Variants in GRM5 observed in about 807,000 individuals in gnomAD.
GRM5 encodes glutamate metabotropic receptor 5.
GRM5 carries 19 observed loss-of-function variants against 83.1 expected under a neutral mutation model. That is an observed-to-expected ratio of 0.23 (90% CI 0.16 to 0.34). GRM5 has a LOEUF of 0.34. GRM5 is among the 10% of genes least tolerant of loss of function. The pLI is 1.00. For missense variants in GRM5, 1,160 were observed against 1,588.3 expected, an observed-to-expected ratio of 0.73 and a Z score of 4.58; for synonymous variants, 675 against 633.6, an observed-to-expected ratio of 1.07 and a Z score of -0.98.
chr11:88,799,120 T>G (rs1437770282), intron 3 of GRM5, among the ~76,000 whole-genome samples: 2 of 152,064 alleles, frequency 1.3e-5, no homozygotes, highest in Non-Finnish European at 2.9e-5. Context: ...GCCTTCAACT[T>G]AAAAAGTATT....
chr11:88,752,887 A>G (rs7124237), intron 3 of GRM5, among the ~76,000 whole-genome samples: 101,221 of 151,378 alleles, frequency 0.67, 34,547 homozygotes, highest in Non-Finnish European at 0.73. Flanking sequence ...ATGGTGCTCA[A>G]AGAACAGGTT....
chr11:88,599,857 A>C (rs1006926838), intron 5 of GRM5, among the ~76,000 whole-genome samples: 3 of 151,892 alleles, frequency 2.0e-5, no homozygotes, highest in Non-Finnish European at 4.4e-5. Context: ...ACTAAAAATA[A>C]AAAAAATTAG....
At chr11:88,534,315 A>G (rs1344454232) in intron 8 of GRM5, among the ~76,000 whole-genome samples, 3 of 152,234 alleles carry the variant, frequency 2.0e-5, no homozygotes, top group South Asian at 2.1e-4. Flanking sequence ...AGCCTGTGAA[A>G]GCAGCTGAGA....
At chr11:88,565,121 A>G (rs1942847159) in intron 8 of GRM5, among the ~76,000 whole-genome samples, 2 of 150,942 alleles carry the variant, frequency 1.3e-5, no homozygotes. Flanking sequence ...CTTTATCTCC[A>G]TTTTTTCGGA....
chr11:88,949,715 C>A (rs1938394366), intron 2 of GRM5, among the ~76,000 whole-genome samples: 1 of 152,018 alleles, frequency 6.6e-6, no homozygotes, highest in Non-Finnish European at 1.5e-5. Context: ...ATTATGAATG[C>A]ATAAAAAGTG....
At chr11:88,852,339 A>G (rs1944402211) in intron 2 of GRM5, among the ~76,000 whole-genome samples, 1 of 152,136 alleles carries the variant, frequency 6.6e-6, no homozygotes, top group African/African-American at 2.4e-5. Context: ...CAGCTTTCTG[A>G]AGTAACACTG....
chr11:88,656,581 C>T (rs945082565), intron 3 of GRM5, among the ~76,000 whole-genome samples: 1 of 151,950 alleles, frequency 6.6e-6, no homozygotes, highest in Non-Finnish European at 1.5e-5. Flanking sequence ...ATCTATTTAG[C>T]GCCATCTTTT....
chr11:89,057,521 G>A (rs1323467953), intron 1 of GRM5, among the ~76,000 whole-genome samples: 6 of 152,106 alleles, frequency 3.9e-5, no homozygotes, highest in Non-Finnish European at 5.9e-5. Flanking sequence ...AAAAGTTCTG[G>A]CAGTTCAATA....
chr11:88,679,615 T>C (rs1940425580), intron 3 of GRM5, among the ~76,000 whole-genome samples: 1 of 152,106 alleles, frequency 6.6e-6, no homozygotes, highest in South Asian at 2.1e-4. Flanking sequence ...TAGCTTCACA[T>C]ATGATAATAT....
In GRM5 at chr11:88,724,266, C is replaced by T. The variant is rs565451209; in HGVS notation, c.912-70863G>A. On this transcript the variant is annotated intron_variant, in intron 3 of 9. Coordinates refer to ENST00000305447, the MANE Select transcript of GRM5 (RefSeq NM_001143831.3). ...GTGGAAAGGTATCTTCTTTCCTACC[C>T]AATCTTCACCTGTTAAAATCATATT... is the stretch of plus-strand genomic sequence containing the variant. Among the ~76,000 whole-genome samples the T allele has an allele frequency of 3.3e-5, 5 of 152,258 alleles. No individual in the cohort carries two copies. The East Asian group carries it at 7.7e-4, about 24-fold the overall frequency.
At chr11:88,575,987 A>C (rs1269968184) in intron 7 of GRM5, among the ~76,000 whole-genome samples, 1 of 152,166 alleles carries the variant, frequency 6.6e-6, no homozygotes, top group Non-Finnish European at 1.5e-5. Context: ...ATTAAGACAT[A>C]AAGAATGATT....
chr11:89,008,191 T>C (rs1217962867), intron 2 of GRM5, among the ~76,000 whole-genome samples: 1 of 152,160 alleles, frequency 6.6e-6, no homozygotes, highest in South Asian at 2.1e-4. Flanking sequence ...TGAAAACCTA[T>C]GCTGGAAAGA....
chr11:88,778,086 T>G (rs1942896717), intron 3 of GRM5, among the ~76,000 whole-genome samples: 1 of 151,374 alleles, frequency 6.6e-6, no homozygotes, highest in African/African-American at 2.4e-5. Flanking sequence ...GCAGTAGGCC[T>G]TGTTGACCTG....
At chr11:89,019,690 A>G (rs1940936708) in intron 2 of GRM5, among the ~76,000 whole-genome samples, 1 of 152,196 alleles carries the variant, frequency 6.6e-6, no homozygotes, top group Admixed American at 6.5e-5. Flanking sequence ...CCTGGGCAAC[A>G]GAGCAAAACT....
At chr11:88,884,534 G>T (rs1267396729) in intron 2 of GRM5, among the ~76,000 whole-genome samples, 2 of 152,150 alleles carry the variant, frequency 1.3e-5, no homozygotes, top group East Asian at 1.9e-4. Context: ...GGACTGTTGG[G>T]AAAGTATGAT....
intron 3 of GRM5, among the ~76,000 whole-genome samples, chr11:88,838,084 C>CTAAAAA (rs1944125467): frequency 1.8e-5 from 1 of 55,444 alleles, no homozygotes; most frequent in Non-Finnish European, 3.3e-5. Flanking sequence ...GACTCCATCT[C>CTAAAAA]AAAAAAAAAA....
At chr11:88,711,267 T>A (rs1265345236) in intron 3 of GRM5, among the ~76,000 whole-genome samples, 1 of 152,064 alleles carries the variant, frequency 6.6e-6, no homozygotes, top group Admixed American at 6.6e-5. Flanking sequence ...CTGACCTCAC[T>A]TGCCTTCCTC....
At position 89,037,637 on chromosome 11, in the gene GRM5, T is replaced by G. The variant is rs571875505; in HGVS notation, c.661+9575A>C. 5.3e-5 allele frequency among the ~76,000 whole-genome samples: 8 copies of G among 152,254 alleles called. No individual in the cohort carries two copies. In the East Asian group the frequency reaches 1.2e-3, roughly 22 times the overall value. ...AAATTTAATTTCCTTATTATCAAAT[T>G]GAGATAAAAATACCTGCCCTAAAAG... On this transcript the variant is annotated intron_variant, in intron 2 of 9. Transcript: ENST00000305447.
At chr11:88,974,829 A>C (rs1191260464) in intron 2 of GRM5, among the ~76,000 whole-genome samples, 1 of 152,186 alleles carries the variant, frequency 6.6e-6, no homozygotes, top group African/African-American at 2.4e-5. Flanking sequence ...AGTAAGTAGG[A>C]ACATACTAGA....
Sources: gnomAD v4.1 joint callset for allele counts (sites outside exome capture counted in the v4.1 genomes callset) on GRCh38, gnomAD v4.1.1 for gene constraint, MANE v1.5 for transcripts, NCBI Gene and HGNC (gene_info 2026-07-23, HGNC 2026-07-21) for gene names.